PARN: variants seen among roughly 807,000 people sequenced by gnomAD.
PARN encodes the protein poly(A)-specific ribonuclease PARN.
A neutral mutation model predicts 102.8 loss-of-function variants in PARN; 71 were observed. The ratio of observed to expected loss-of-function variants is 0.69; its 90% confidence interval spans 0.57 to 0.84. PARN has a LOEUF of 0.84. Ranked by LOEUF, PARN falls within the 40% of genes least tolerant of loss-of-function variation. PARN has a pLI of 0.00. For synonymous variants in PARN, 261 were observed against 252.9 expected (o/e 1.03, Z -0.30); for missense variants, 782 against 760.9 (o/e 1.03, Z -0.33).
intron 21 of PARN, among the ~76,000 whole-genome samples, chr16:14,550,154 C>T (rs1280583020): frequency 6.6e-6 from 1 of 152,062 alleles, no homozygotes; most frequent in East Asian, 1.9e-4. Context: ...ACCTCAAGGT[C>T]CCCACCCCCA....
chr16:14,472,449 A>G (rs1251952145), intron 22 of PARN, among the ~76,000 whole-genome samples: 1 of 152,198 alleles, frequency 6.6e-6, no homozygotes, highest in Non-Finnish European at 1.5e-5. Flanking sequence ...TACTTATTAA[A>G]GTAAATAATT....
chr16:14,526,179 GTTT>G (rs370572514), intron 21 of PARN, among the ~76,000 whole-genome samples: 2 of 134,594 alleles, frequency 1.5e-5, no homozygotes. Flanking sequence ...ATCATCCACT[GTTT>G]TTTTTTTTTT....
intron 13 of PARN, among the ~76,000 whole-genome samples, chr16:14,592,837 C>A (rs138599336): frequency 4.8e-4 from 73 of 152,182 alleles, no homozygotes; most frequent in African/African-American, 1.6e-3. Context: ...ACTGAAGATC[C>A]CTTAATAAAA....
chr16:14,461,235 CA>C (rs1294094708), intron 22 of PARN, among the ~76,000 whole-genome samples: 4 of 151,926 alleles, frequency 2.6e-5, no homozygotes, highest in Non-Finnish European at 5.9e-5. Context: ...ATATGATGGC[CA>C]AATATAATAT....
chr16:14,602,442 G>A (rs1447157931), intron 11 of PARN, among the ~76,000 whole-genome samples: 1 of 152,060 alleles, frequency 6.6e-6, no homozygotes, highest in Non-Finnish European at 1.5e-5. Context: ...GCTCAACACT[G>A]ACAAACCTGC....
chr16:14,589,250 T>C (rs1970030108), intron 13 of PARN, among the ~76,000 whole-genome samples: 2 of 152,130 alleles, frequency 1.3e-5, no homozygotes, highest in African/African-American at 4.8e-5. Context: ...GCTACTTTGA[T>C]CTACTTGGCC....
chr16:14,611,279 T>C, intron 6 of PARN, among the ~76,000 whole-genome samples: 1 of 152,278 alleles, frequency 6.6e-6, no homozygotes, highest in East Asian at 1.9e-4. Context: ...CCAGATGTCA[T>C]GAGCAAAAAT....
intron 18 of PARN, 140 bp downstream of exon 18, chr16:14,580,734 A>G: frequency 1.9e-6 from 1 of 529,528 alleles, no homozygotes; most frequent in Non-Finnish European, 3.5e-6. Context: ...TACTTTCAAA[A>G]AACATGTGAG....
chr16:14,553,496 A>C (rs1967459684), intron 20 of PARN, among the ~76,000 whole-genome samples: 1 of 152,230 alleles, frequency 6.6e-6, no homozygotes, highest in African/African-American at 2.4e-5. Context: ...AGAATTTCCA[A>C]AGAGAATAGC....
chr16:14,626,994 GA>G (rs1214643604), intron 5 of PARN, 111 bp downstream of exon 5: 3 of 673,926 alleles, frequency 4.5e-6, no homozygotes, highest in Non-Finnish European at 8.0e-6. Flanking sequence ...GGTCAAAGGT[GA>G]AATGATTTGC....
In PARN at chr16:14,630,139, C is replaced by G; in HGVS notation, c.-14G>C. The G allele has an allele frequency of 6.4e-7, 1 of 1,558,432 alleles. No individual in the cohort carries two copies. Among genetic ancestry groups the G allele is most frequent in the Non-Finnish European group, 8.7e-7 (1 of 1,150,322 alleles). ...GATTATCTCCATTCTGCAGAGTGGC[C>G]GGAACCTTGGCCCCACCCGGGCCCG... On this transcript the variant is annotated 5_prime_UTR_variant, in exon 1 of 24. Transcript: ENST00000437198.
intron 21 of PARN, among the ~76,000 whole-genome samples, chr16:14,496,104 C>A (rs537555541): frequency 1.3e-5 from 2 of 152,336 alleles, no homozygotes; most frequent in African/African-American, 4.8e-5. Flanking sequence ...GGTAACAATT[C>A]TCCTTCCATG....
chr16:14,546,371 T>C (rs958242011), intron 21 of PARN, among the ~76,000 whole-genome samples: 2 of 152,200 alleles, frequency 1.3e-5, no homozygotes, highest in African/African-American at 4.8e-5. Context: ...CCAAAAATCA[T>C]CCTGAAAAAG....
At chr16:14,566,296 G>A (rs909782201) in intron 18 of PARN, among the ~76,000 whole-genome samples, 2 of 152,178 alleles carry the variant, frequency 1.3e-5, no homozygotes, top group South Asian at 4.1e-4. Flanking sequence ...CCTCATAAGA[G>A]AGAGGCAGAG....
At chr16:14,606,561 G>A (rs1309045146) in intron 9 of PARN, 35 bp from the exon 10 acceptor site, 10 of 1,187,632 alleles carry the variant, frequency 8.4e-6, no homozygotes, top group African/African-American at 1.5e-5. Context: ...CAGTAGATGA[G>A]TCAATGACAG....
chr16:14,576,802 G>A (rs1430661069), intron 18 of PARN, among the ~76,000 whole-genome samples: 1 of 152,134 alleles, frequency 6.6e-6, no homozygotes, highest in Non-Finnish European at 1.5e-5. Context: ...AGGACTATGG[G>A]AGGTGCCCAG....
At chr16:14,559,011 G>T (rs1276777792) in intron 18 of PARN, among the ~76,000 whole-genome samples, 1 of 151,964 alleles carries the variant, frequency 6.6e-6, no homozygotes, top group African/African-American at 2.4e-5. Flanking sequence ...CACCTGGCTG[G>T]GAGGGAGAAA....
At chr16:14,451,871 A>AAAC (rs1961470106) in intron 22 of PARN, among the ~76,000 whole-genome samples, 1 of 33,196 alleles carries the variant, frequency 3.0e-5, no homozygotes, top group African/African-American at 9.7e-5. Context: ...AAAAAATACA[A>AAAC]AAAAAAAAAA....
chr16:14,606,808 GTC>G (rs1188218255), intron 9 of PARN, among the ~76,000 whole-genome samples: 2 of 147,210 alleles, frequency 1.4e-5, no homozygotes, highest in Admixed American at 6.9e-5. Context: ...TGAGACAAGA[GTC>G]TCTCTCTGTC....
Sources: allele counts gnomAD v4.1 joint callset (sites outside exome capture counted in the v4.1 genomes callset), GRCh38; gene constraint gnomAD v4.1.1; transcripts MANE v1.5; gene names NCBI Gene and HGNC (gene_info 2026-07-23, HGNC 2026-07-21).